SCEL: variants seen among roughly 807,000 people sequenced by gnomAD.
SCEL encodes sciellin.
Under a neutral mutation model 117.6 loss-of-function variants are expected in SCEL, and 113 were observed. That is an observed-to-expected ratio of 0.96 (90% CI 0.83 to 1.12). The LOEUF is 1.12. Among genes scored for constraint, SCEL ranks in the 50% most tolerant of loss-of-function variants. The probability of loss-of-function intolerance (pLI) is 0.00; values close to 1 mark genes in which losing one functional copy is unlikely to be tolerated. For missense variants in SCEL, 785 were observed against 810.8 expected (o/e 0.97, Z 0.39); for synonymous variants, 270 against 256.2 (o/e 1.05, Z -0.51).
chr13:77,607,542 ATAGAT>A (rs1203831659), intron 19 of SCEL, among the ~76,000 whole-genome samples: 1 of 152,236 alleles, frequency 6.6e-6, no homozygotes, highest in African/African-American at 2.4e-5. Context: ...GTTGCATATC[ATAGAT>A]TTTTAACAAA....
intron 1 of SCEL, among the ~76,000 whole-genome samples, chr13:77,546,869 G>T (rs898343676): frequency 1.3e-5 from 2 of 152,206 alleles, no homozygotes; most frequent in East Asian, 1.9e-4. Flanking sequence ...CCCTATGATT[G>T]CCCACAGTCA....
intron 1 of SCEL, among the ~76,000 whole-genome samples, chr13:77,552,194 C>G (rs1398436237): frequency 6.6e-6 from 1 of 151,030 alleles, no homozygotes; most frequent in African/African-American, 2.4e-5. Context: ...ATTTATAGTC[C>G]TTTGGGTATA....
At position 77,591,476 on chromosome 13, in the gene SCEL, T is replaced by C. The variant is rs1161185835; in HGVS notation, c.692+16T>C. ...GAAATATAAGGTACACTGATTTCTA[T>C]TTATATCTATGTAACTGTAGTAATG... On this transcript the variant is annotated intron_variant, in intron 11 of 32. Transcript: ENST00000349847. 1.5e-6 allele frequency: 2 copies of C among 1,378,804 alleles called. No individual in the cohort carries two copies. The highest frequency in any genetic ancestry group is 1.4e-5 in the African/African-American group (1 of 70,044). The allele number at this position is 1,378,804 out of a possible 1,614,324, so 85.4% of individuals were successfully genotyped here. A position where few individuals can be genotyped will look rare whatever the true frequency, so the allele number is the denominator to read the frequency against.
In SCEL at chr13:77,634,305, A is replaced by G. The variant is rs1262218675; in HGVS notation, c.1692-74A>G. On this transcript the variant is annotated intron_variant, in intron 28 of 32. Coordinates refer to ENST00000349847, the MANE Select transcript of SCEL (RefSeq NM_144777.3). ...ATATATTCATTACATTTTGCATTGA[A>G]TTAGAAAATAGCCTTGTTTTTATTA... 4 of 1,190,894 alleles carry G rather than the reference A, an allele frequency of 3.4e-6. No individual in the cohort carries two copies. In the African/African-American group the frequency reaches 4.5e-5, roughly 14 times the overall value. 73.8% of individuals were successfully genotyped at this position (1,190,894 alleles called of 1,614,324 possible). A position where few individuals can be genotyped will look rare whatever the true frequency, so the allele number is the denominator to read the frequency against.
chr13:77,643,163 A>G (rs1412085677), intron 32 of SCEL, among the ~76,000 whole-genome samples: 1 of 152,148 alleles, frequency 6.6e-6, no homozygotes, highest in Admixed American at 6.6e-5. Context: ...TGAATATTGT[A>G]TAATTTTTAA....
rs913285829 is a variant in SCEL, at chr13:77,539,274, A to G, written c.-20+3450A>G. On this transcript the variant is annotated intron_variant, in intron 1 of 32. Coordinates refer to ENST00000349847, the MANE Select transcript of SCEL (RefSeq NM_144777.3). ...AATTATGTAATTATATATTATATAC[A>G]TATTTTATAATATACATAGCATATT... Among the ~76,000 whole-genome samples the G allele has an allele frequency of 3.3e-5, 5 of 150,752 alleles. No homozygotes were observed. In the East Asian group the frequency reaches 9.7e-4, roughly 29 times the overall value.
At position 77,627,960 on chromosome 13, in the gene SCEL, G is replaced by C; in HGVS notation, c.1642G>C (p.Glu548Gln). 6.8e-7 allele frequency: 1 copy of C among 1,472,608 alleles called. No homozygotes were observed. The highest frequency in any genetic ancestry group is 1.3e-5 in the South Asian group (1 of 76,826). 91.2% of individuals were successfully genotyped at this position (1,472,608 alleles called of 1,614,324 possible). ...LRNTNRDQNL[E>Q]NLIEVNSHVS... Reference sequence around the variant, plus strand: ...TTTTTTCCTTAGAGACCAGAACCTGGAAAATTTAATTGAAGTAAATTCTCA... The same window carrying C: ...TTTTTTCCTTAGAGACCAGAACCTGCAAAATTTAATTGAAGTAAATTCTCA... Residue 548 changes from glutamate (E) to glutamine (Q), a missense_variant, in exon 28 of 33, where the codon GAA (glutamate) becomes CAA (glutamine). By Grantham distance (29) the Glu-to-Gln change is conservative. Coordinates refer to ENST00000349847, the MANE Select transcript of SCEL (RefSeq NM_144777.3).
At chr13:77,566,978 T>C (rs1057157802) in intron 5 of SCEL, among the ~76,000 whole-genome samples, 2 of 152,166 alleles carry the variant, frequency 1.3e-5, no homozygotes, top group East Asian at 1.9e-4. Flanking sequence ...AAATGTGTTT[T>C]GCAAACACAT....
intron 5 of SCEL, among the ~76,000 whole-genome samples, chr13:77,566,381 A>G (rs1188503025): frequency 1.3e-5 from 2 of 152,132 alleles, no homozygotes; most frequent in African/African-American, 4.8e-5. Context: ...ATATCAAATG[A>G]CCAGCAAGAA....
At chr13:77,594,218 T>C (rs566401225) in intron 12 of SCEL, among the ~76,000 whole-genome samples, 2 of 152,340 alleles carry the variant, frequency 1.3e-5, no homozygotes, top group East Asian at 3.9e-4. Flanking sequence ...TTTCCAAAGA[T>C]TCTGCTCAAT....
intron 28 of SCEL, among the ~76,000 whole-genome samples, chr13:77,632,679 G>C (rs959721807): frequency 2.0e-5 from 3 of 152,174 alleles, no homozygotes; most frequent in African/African-American, 7.2e-5. Context: ...TTCTATGTCA[G>C]AGTTTACTAA....
intron 9 of SCEL, among the ~76,000 whole-genome samples, chr13:77,585,790 C>T (rs897779480): frequency 6.6e-6 from 1 of 152,134 alleles, no homozygotes. Context: ...TTCCACTCCA[C>T]CTTGCTGAGC....
intron 19 of SCEL, 72 bp downstream of exon 19, chr13:77,604,487 A>G (rs961833244): frequency 1.6e-6 from 2 of 1,239,948 alleles, no homozygotes; most frequent in African/African-American, 3.1e-5. Context: ...GAGTGTTGGT[A>G]TTCAGGACAG....
intron 1 of SCEL, among the ~76,000 whole-genome samples, chr13:77,549,357 T>C (rs904419888): frequency 1.3e-5 from 2 of 152,128 alleles, no homozygotes; most frequent in East Asian, 3.8e-4. Context: ...TCTTTATATA[T>C]AATATATATT....
intron 1 of SCEL, among the ~76,000 whole-genome samples, chr13:77,538,815 C>T (rs572355773): frequency 6.6e-6 from 1 of 152,248 alleles, no homozygotes; most frequent in South Asian, 2.1e-4. Flanking sequence ...AATGTGATTA[C>T]GTATCCTTCA....
chr13:77,618,202 C>A, intron 27 of SCEL, 142 bp downstream of exon 27: 2 of 701,992 alleles, frequency 2.8e-6, no homozygotes, highest in Non-Finnish European at 5.1e-6. Context: ...TCCTTCCTTC[C>A]TTCCATTTCA....
rs146867849 is a variant in SCEL, at chr13:77,636,780, G to A, written c.1764-340G>A. Among the ~76,000 whole-genome samples, 366 of 152,232 alleles carry A rather than the reference G, an allele frequency of 2.4e-3. 2 individuals carry two copies. Among genetic ancestry groups the A allele is most frequent in the African/African-American group, 8.3e-3 (343 of 41,546 alleles). On this transcript the variant is annotated intron_variant, in intron 29 of 32. Coordinates refer to ENST00000349847, the MANE Select transcript of SCEL (RefSeq NM_144777.3). ...TGTGCTTGCCCTGTTTGTGCTTTGT[G>A]TATTTTCTTTATCTACTTTACATTC...
intron 9 of SCEL, among the ~76,000 whole-genome samples, chr13:77,573,671 A>G (rs187514487): frequency 3.3e-5 from 5 of 149,606 alleles, no homozygotes; most frequent in Non-Finnish European, 5.9e-5. Flanking sequence ...CTATCTATCT[A>G]TCTATCTATC....
intron 29 of SCEL, among the ~76,000 whole-genome samples, chr13:77,634,844 AG>A (rs1477922906): frequency 3.3e-5 from 5 of 152,298 alleles, no homozygotes; most frequent in Middle Eastern, 3.4e-3. Flanking sequence ...ATCTAAAATA[AG>A]GGGTATAAAT....
Sources: gnomAD v4.1 joint callset for allele counts (sites outside exome capture counted in the v4.1 genomes callset) on GRCh38, gnomAD v4.1.1 for gene constraint, MANE v1.5 for transcripts, NCBI Gene and HGNC (gene_info 2026-07-23, HGNC 2026-07-21) for gene names.